The following TYW1 variants were observed in gnomAD, a reference collection of about 807,000 sequenced individuals.
TYW1 encodes the protein S-adenosyl-L-methionine-dependent tRNA 4-demethylwyosine synthase TYW1.
A neutral mutation model predicts 96.2 loss-of-function variants in TYW1; 46 were observed. The ratio of observed to expected loss-of-function variants is 0.48; its 90% CI spans 0.38 to 0.61. TYW1 has a LOEUF of 0.61. Ranked by LOEUF, TYW1 falls within the 20% of genes least tolerant of loss-of-function variation. The pLI is 0.00. For missense variants in TYW1, 684 were observed against 909.6 expected (o/e 0.75, Z 3.19); for synonymous variants, 274 against 323.0 (o/e 0.85, Z 1.63).
At chr7:67,051,526 A>G (rs73134237) in intron 8 of TYW1, among the ~76,000 whole-genome samples, 9,793 of 152,210 alleles carry the variant, frequency 0.064, 434 homozygotes, top group South Asian at 0.11. Flanking sequence ...CTTCAACAAA[A>G]ATACCTATTT....
chr7:67,077,924 T>G (rs945194736), intron 10 of TYW1, among the ~76,000 whole-genome samples: 1 of 152,136 alleles, frequency 6.6e-6, no homozygotes, highest in Non-Finnish European at 1.5e-5. Flanking sequence ...TTTTTGTATA[T>G]TGTCTTTCCC....
chr7:67,232,455 A>G (rs961758793), intron 15 of TYW1, among the ~76,000 whole-genome samples: 20 of 151,136 alleles, frequency 1.3e-4, no homozygotes, highest in African/African-American at 4.4e-4. Context: ...CAGGAGAATC[A>G]CTTGAACCCG....
At chr7:67,055,159 T>A (rs1795468484) in intron 8 of TYW1, among the ~76,000 whole-genome samples, 1 of 152,222 alleles carries the variant, frequency 6.6e-6, no homozygotes. Flanking sequence ...AATTCTATAG[T>A]TGATGAGTGC....
chr7:67,155,254 C>T (rs897536282), intron 13 of TYW1, among the ~76,000 whole-genome samples: 4 of 152,154 alleles, frequency 2.6e-5, no homozygotes, highest in Non-Finnish European at 5.9e-5. Flanking sequence ...GAGGTGGGGC[C>T]TGGTAGAAGG....
intron 9 of TYW1, among the ~76,000 whole-genome samples, chr7:67,065,494 C>T (rs144566273): frequency 3.5e-3 from 539 of 152,232 alleles, no homozygotes; most frequent in Non-Finnish European, 6.1e-3. Flanking sequence ...ATTTGTTGGA[C>T]GTTTCGGTTT....
rs573199587 is a variant in TYW1, at chr7:67,201,223, C to T, written c.1977+5886C>T. Among the ~76,000 whole-genome samples, 5 of 147,018 alleles carry T rather than the reference C, an allele frequency of 3.4e-5. No homozygotes were observed. The East Asian group carries it at 8.0e-4, about 23-fold the overall frequency. The stretch of plus-strand genomic sequence containing the variant: ...TCGTGTGCCTGTAGTCTTGGCTACT[C>T]GGGAGGCTGAGGCGGGAGACTCACT... On this transcript the variant is annotated intron_variant, in intron 15 of 15. Transcript: ENST00000359626.
At chr7:67,190,710 G>C (rs1030021925) in intron 14 of TYW1, among the ~76,000 whole-genome samples, 5 of 152,142 alleles carry the variant, frequency 3.3e-5, no homozygotes, top group African/African-American at 1.2e-4. Flanking sequence ...TGAGAAGCTC[G>C]GGCTGGTTTA....
rs1182243718 is a variant in TYW1, at chr7:67,013,744, T to TC, written c.376-623_376-622insC. On this transcript the variant is annotated intron_variant, in intron 4 of 15. Coordinates refer to ENST00000359626, the MANE Select transcript of TYW1 (RefSeq NM_018264.4). ...CCATCTCTCTGCATTTTTTCCTTTT[T>TC]TTTTTTTTTTTTTTTTTGAGATGGA... Among the ~76,000 whole-genome samples, 3 of 138,630 alleles carry TC rather than the reference T, an allele frequency of 2.2e-5. No homozygotes were observed. The East Asian group carries it at 6.4e-4, about 30-fold the overall frequency. The allele number at this position is 138,630 out of a possible 152,430, so 90.9% of individuals were successfully genotyped here. A position where few individuals can be genotyped will look rare whatever the true frequency, so the allele number is the denominator to read the frequency against.
intron 7 of TYW1, among the ~76,000 whole-genome samples, chr7:67,036,329 G>A (rs1318512847): frequency 3.3e-5 from 5 of 151,894 alleles, no homozygotes; most frequent in Non-Finnish European, 7.4e-5. Context: ...GTTTACAGAC[G>A]TTCCATAGCG....
intron 3 of TYW1, 144 bp from the exon 4 acceptor site, chr7:67,009,439 A>T (rs1041699603): frequency 7.4e-6 from 5 of 679,992 alleles, no homozygotes; most frequent in Non-Finnish European, 1.3e-5. Flanking sequence ...AAGAGTGAGG[A>T]TAGAATTTGT....
In TYW1 at chr7:67,239,120, T is replaced by C; in HGVS notation, c.*591T>C. On this transcript the variant is annotated 3_prime_UTR_variant, in exon 16 of 16. Coordinates refer to ENST00000359626, the MANE Select transcript of TYW1 (RefSeq NM_018264.4). ...ATTACCAACCCTTCCCAGAATTGCG[T>C]TGGATCTAAAACTACTAGATCTCAT... is the stretch of plus-strand genomic sequence containing the variant. 5.1e-6 allele frequency: 5 copies of C among 986,786 alleles called. No homozygotes were observed. The highest frequency in any genetic ancestry group is 4.7e-5 in the South Asian group (1 of 21,376). 61.1% of individuals were successfully genotyped at this position (986,786 alleles called of 1,614,324 possible). A position where few individuals can be genotyped will look rare whatever the true frequency, so the allele number is the denominator to read the frequency against.
chr7:67,107,719 A>G (rs1310259287), intron 12 of TYW1, among the ~76,000 whole-genome samples: 2 of 151,862 alleles, frequency 1.3e-5, no homozygotes, highest in Non-Finnish European at 2.9e-5. Flanking sequence ...GTTACTTGAG[A>G]TAAGATTGAC....
intron 5 of TYW1, among the ~76,000 whole-genome samples, chr7:67,016,413 G>A (rs567574400): frequency 2.0e-5 from 3 of 151,742 alleles, no homozygotes; most frequent in Admixed American, 6.6e-5. Flanking sequence ...CGGGCGTGGT[G>A]GTGCATGCCT....
intron 13 of TYW1, among the ~76,000 whole-genome samples, chr7:67,145,781 G>A (rs1305357877): frequency 6.6e-6 from 1 of 152,066 alleles, no homozygotes; most frequent in Non-Finnish European, 1.5e-5. Flanking sequence ...TTGAGACAGG[G>A]TTTTGCTCTG....
At chr7:67,207,663 T>C (rs2116381765) in intron 15 of TYW1, among the ~76,000 whole-genome samples, 1 of 149,940 alleles carries the variant, frequency 6.7e-6, no homozygotes, top group East Asian at 2.0e-4. Flanking sequence ...GTTTATCTAC[T>C]TCACAAATTT....
chr7:67,003,396 C>T (rs1364826390), intron 3 of TYW1, among the ~76,000 whole-genome samples: 1 of 151,686 alleles, frequency 6.6e-6, no homozygotes, highest in Non-Finnish European at 1.5e-5. Context: ...TTCACTGCTA[C>T]TCCCCTGGTC....
At chr7:67,177,652 A>T (rs1464409407) in intron 13 of TYW1, among the ~76,000 whole-genome samples, 2 of 152,228 alleles carry the variant, frequency 1.3e-5, no homozygotes, top group Non-Finnish European at 2.9e-5. Flanking sequence ...AGCCAAAACA[A>T]TGCAAAAGTG....
Position 67,017,906 on chromosome 7 carries a change from G to A in TYW1, c.624G>A (p.Met208Ile), listed in dbSNP as rs1794081907. 6.2e-7 allele frequency: 1 copy of A among 1,614,004 alleles called. No homozygotes were observed. Among genetic ancestry groups the A allele is most frequent in the East Asian group, 2.2e-5 (1 of 44,894 alleles). Residue 208 changes from methionine to isoleucine, a missense_variant, in exon 6 of 16, where the codon ATG (methionine) becomes ATA (isoleucine). By Grantham distance (10) the Met-to-Ile change is conservative. Coordinates refer to ENST00000359626, the MANE Select transcript of TYW1 (RefSeq NM_018264.4). ...GGATGCTTGGCGCGCATCGTGTGAT[G>A]AGTCGAGGGGAGGGCGACTGCGACG... is the stretch of plus-strand genomic sequence containing the variant. ...WLWMLGAHRV[M>I]SRGEGDCDVV...
At chr7:67,161,801 A>G (rs531425966) in intron 13 of TYW1, among the ~76,000 whole-genome samples, 140 of 152,248 alleles carry the variant, frequency 9.2e-4, no homozygotes, top group African/African-American at 2.9e-3. Context: ...TCATCTTCCT[A>G]TCATTCCAGA....
Sources: allele counts gnomAD v4.1 joint callset (sites outside exome capture counted in the v4.1 genomes callset), GRCh38; gene constraint gnomAD v4.1.1; transcripts MANE v1.5; gene names NCBI Gene and HGNC (gene_info 2026-07-23, HGNC 2026-07-21).